Variants in C13orf46 observed in about 807,000 individuals in gnomAD.
C13orf46 encodes the protein uncharacterized protein C13orf46.
chr13:113,950,658 CCAGCCCAGGT>C (rs1180317088), downstream of C13orf46, among the ~76,000 whole-genome samples: 3 of 152,234 alleles, frequency 2.0e-5, no homozygotes, highest in Non-Finnish European at 4.4e-5. Context: ...CCAGCCCAGA[CCAGCCCAGGT>C]GCCTCTGCCC....
the C13orf46 span, among the ~76,000 whole-genome samples, chr13:113,945,721 C>G: frequency 6.6e-6 from 1 of 152,118 alleles, no homozygotes; most frequent in Admixed American, 6.5e-5. Flanking sequence ...CAAGTCAAGG[C>G]CCTTAATACT....
chr13:113,969,558 T>C (rs2052682512), intron 2 of C13orf46, among the ~76,000 whole-genome samples: 1 of 152,228 alleles, frequency 6.6e-6, no homozygotes, highest in Non-Finnish European at 1.5e-5. Context: ...CATTTGTAAA[T>C]AAGGGGGACT....
intron 1 of C13orf46, among the ~76,000 whole-genome samples, chr13:113,972,487 C>T (rs367935189): frequency 3.5e-4 from 54 of 152,276 alleles, no homozygotes; most frequent in Admixed American, 1.0e-3. Flanking sequence ...GCGGAGCTGC[C>T]GAGGCCGCGG....
the C13orf46 span, among the ~76,000 whole-genome samples, chr13:113,930,848 G>A: frequency 1.7e-4 from 26 of 152,206 alleles, no homozygotes; most frequent in Non-Finnish European, 2.8e-4. Context: ...GCTGAGGCCC[G>A]GGTGGTCCTG....
intron 1 of C13orf46, among the ~76,000 whole-genome samples, chr13:113,970,967 G>T (rs2052698776): frequency 6.6e-6 from 1 of 152,126 alleles, no homozygotes; most frequent in African/African-American, 2.4e-5. Flanking sequence ...CTTGGCCAAC[G>T]TGAAACATTC....
At chr13:113,949,110 C>G (rs2138960853), downstream of C13orf46, among the ~76,000 whole-genome samples, 1 of 152,340 alleles carries the variant, frequency 6.6e-6, no homozygotes, top group African/African-American at 2.4e-5. Context: ...CTTAATCAAT[C>G]ATACCTGTGT....
At chr13:113,930,847 C>CG in the C13orf46 span, among the ~76,000 whole-genome samples, 2 of 152,302 alleles carry the variant, frequency 1.3e-5, no homozygotes, top group Admixed American at 6.5e-5. Context: ...AGCTGAGGCC[C>CG]GGGTGGTCCT....
At chr13:113,927,673 T>C in the C13orf46 span, 3 of 398,542 alleles carry the variant, frequency 7.5e-6, no homozygotes, top group Non-Finnish European at 1.3e-5. Flanking sequence ...AATTAATAAC[T>C]GTGACTAAGT....
At chr13:113,930,227 C>T in the C13orf46 span, among the ~76,000 whole-genome samples, 1 of 152,234 alleles carries the variant, frequency 6.6e-6, no homozygotes, top group Non-Finnish European at 1.5e-5. Context: ...TTCTCTCCTA[C>T]AAGCCCATCA....
chr13:113,969,541 C>T (rs892135296), intron 2 of C13orf46, among the ~76,000 whole-genome samples: 9 of 152,250 alleles, frequency 5.9e-5, no homozygotes, highest in Non-Finnish European at 8.8e-5. Flanking sequence ...CTCCACTCAA[C>T]GGGAGCCATT....
rs2052519620 is a variant in C13orf46, at chr13:113,955,495, CGAGGAGCATCTCGTGGAGCG to C, written c.*1258_*1277del. The stretch of plus-strand genomic sequence containing the variant: ...GGAGCGGAGGAGCATCTGGCGGAGA[CGAGGAGCATCTCGTGGAGCG>C]GAGGAGCATCTGGCGGAGACGAGGA... On this transcript the variant is annotated 3_prime_UTR_variant, in exon 7 of 7. Transcript: ENST00000636427. 1.7e-5 allele frequency: 2 copies of C among 118,742 alleles called. No individual in the cohort carries two copies. Among genetic ancestry groups the C allele is most frequent in the African/African-American group, 3.6e-5 (1 of 27,872 alleles). The allele number at this position is 118,742 out of a possible 1,614,324, so 7.4% of individuals were successfully genotyped here.
intron 5 of C13orf46, among the ~76,000 whole-genome samples, chr13:113,966,222 G>A (rs1158152955): frequency 6.7e-6 from 1 of 150,200 alleles, no homozygotes; most frequent in Non-Finnish European, 1.5e-5. Context: ...TATAATGGTG[G>A]TGATGATGGG....
chr13:113,971,705 C>T (rs762021314), intron 1 of C13orf46, among the ~76,000 whole-genome samples: 6 of 152,340 alleles, frequency 3.9e-5, no homozygotes, highest in Admixed American at 1.3e-4. Flanking sequence ...CTCACACATC[C>T]GGGCACCTGT....
chr13:113,954,981 G>C lies in C13orf46; in HGVS notation c.*1792C>G, dbSNP rs1250388256. ...ACGAGGAGGAGGATCTGGCGGAGAC[G>C]AGGAGGAGGATCTGGCAGAGAGGAG... On this transcript the variant is annotated 3_prime_UTR_variant, in exon 7 of 7. Coordinates refer to ENST00000636427, the MANE Select transcript of C13orf46 (RefSeq NM_001365455.2). 2 of 171,574 alleles carry C rather than the reference G, an allele frequency of 1.2e-5. No homozygotes were observed. Among genetic ancestry groups the C allele is most frequent in the Admixed American group, 6.6e-5 (1 of 15,190 alleles). 10.6% of individuals were successfully genotyped at this position (171,574 alleles called of 1,614,324 possible). A position where few individuals can be genotyped will look rare whatever the true frequency, so the allele number is the denominator to read the frequency against.
chr13:113,971,206 C>T (rs543911711), intron 1 of C13orf46, among the ~76,000 whole-genome samples: 84 of 152,276 alleles, frequency 5.5e-4, no homozygotes, highest in African/African-American at 9.9e-4. Flanking sequence ...CCCCTTGGCC[C>T]GGGATTCAAA....
chr13:113,950,271 C>T (rs1468519731), downstream of C13orf46, among the ~76,000 whole-genome samples: 10 of 131,408 alleles, frequency 7.6e-5, no homozygotes, highest in South Asian at 2.7e-4. Flanking sequence ...TCGGGCACCT[C>T]GGTGCTCCCA....
rs2052501445 is a variant in C13orf46 at position 113,954,085 on chromosome 13, T to C, written c.*2688A>G. On this transcript the variant is annotated 3_prime_UTR_variant, in exon 7 of 7. Coordinates refer to ENST00000636427, the MANE Select transcript of C13orf46 (RefSeq NM_001365455.2). ...CCAGTGGGACAAGCTCTGCGTGGCA[T>C]GCGGCTCCCTGAAAAGGGCCCCTCC... 6.6e-6 allele frequency: 1 copy of C among 152,232 alleles called. No homozygotes were observed. Among genetic ancestry groups the C allele is most frequent in the South Asian group, 2.1e-4 (1 of 4,834 alleles). 9.4% of individuals were successfully genotyped at this position (152,232 alleles called of 1,614,324 possible). A position where few individuals can be genotyped will look rare whatever the true frequency, so the allele number is the denominator to read the frequency against.
At chr13:113,947,787 C>G in the C13orf46 span, among the ~76,000 whole-genome samples, 3 of 152,270 alleles carry the variant, frequency 2.0e-5, no homozygotes, top group Non-Finnish European at 4.4e-5. Flanking sequence ...AGGAAGCACA[C>G]AGGCTGACCC....
the C13orf46 span, among the ~76,000 whole-genome samples, chr13:113,947,257 G>A: frequency 6.6e-6 from 1 of 152,198 alleles, no homozygotes; most frequent in African/African-American, 2.4e-5. Flanking sequence ...GTCGGGGCAG[G>A]TTACTTACGG....
Sources: allele counts gnomAD v4.1 joint callset (sites outside exome capture counted in the v4.1 genomes callset), GRCh38; gene constraint gnomAD v4.1.1; transcripts MANE v1.5; gene names NCBI Gene and HGNC (gene_info 2026-07-23, HGNC 2026-07-21).